The following PLXNA4 variants were observed in gnomAD, a reference collection of about 807,000 sequenced individuals.
PLXNA4 encodes the protein plexin A4, also known as plexin-A4.
Under a neutral mutation model 191.8 loss-of-function variants are expected in PLXNA4, and 44 were observed. The ratio of observed to expected loss-of-function variants is 0.23; its 90% confidence interval spans 0.18 to 0.29. The LOEUF (loss-of-function observed/expected upper bound fraction) is 0.29. Ranked by LOEUF, PLXNA4 falls within the 10% of genes least tolerant of loss-of-function variation. PLXNA4 has a pLI of 1.00. For synonymous variants in PLXNA4, 1,082 were observed against 1,009.5 expected (o/e 1.07, Z -1.36); for missense variants, 1,800 against 2,488.8 (o/e 0.72, Z 5.89).
chr7:132,550,741 C>T (rs1426498), intron 1 of PLXNA4, among the ~76,000 whole-genome samples: 2 of 152,148 alleles, frequency 1.3e-5, no homozygotes, highest in Admixed American at 6.5e-5. Flanking sequence ...TGCTGATGAC[C>T]CTAATAGTCC....
intron 1 of PLXNA4, among the ~76,000 whole-genome samples, chr7:132,536,879 G>A (rs1380605640): frequency 2.0e-5 from 3 of 152,228 alleles, no homozygotes; most frequent in African/African-American, 7.2e-5. Context: ...TATTTCTGAA[G>A]AAAAGCAGAT....
intron 3 of PLXNA4, among the ~76,000 whole-genome samples, chr7:132,388,559 A>C (rs1418941349): frequency 6.6e-6 from 1 of 152,200 alleles, no homozygotes; most frequent in African/African-American, 2.4e-5. Flanking sequence ...TCTCCTTATT[A>C]ATGTCTTTTC....
rs1028913998 is a variant in PLXNA4, at chr7:132,537,593, G to C, written c.-86-28814C>G. On this transcript the variant is annotated intron_variant, in intron 1 of 31. Transcript: ENST00000321063. ...AGAAGCAGAACTGCAGGGTGTCTCG[G>C]GACTGAGGCACATGTGCCTGACCAG... is the stretch of plus-strand genomic sequence containing the variant. Among the ~76,000 whole-genome samples the C allele has an allele frequency of 2.0e-5, 3 of 152,318 alleles. No individual in the cohort carries two copies. In the South Asian group the frequency reaches 6.2e-4, roughly 32 times the overall value.
chr7:132,574,050 T>G (rs761895725), intron 1 of PLXNA4, among the ~76,000 whole-genome samples: 8 of 152,336 alleles, frequency 5.3e-5, no homozygotes, highest in Middle Eastern at 6.8e-3. Flanking sequence ...GAGATGTTAA[T>G]TAATGCCTGC....
At chr7:132,234,858 C>A (rs1246740813) in intron 5 of PLXNA4, among the ~76,000 whole-genome samples, 5 of 152,134 alleles carry the variant, frequency 3.3e-5, no homozygotes, top group Non-Finnish European at 7.3e-5. Context: ...GAAGTGGACA[C>A]CAACCATTCC....
chr7:132,613,270 C>G (rs1039848063), intron 2 of PLXNA4, among the ~76,000 whole-genome samples: 1 of 152,180 alleles, frequency 6.6e-6, no homozygotes, highest in African/African-American at 2.4e-5. Flanking sequence ...CTCCTCTGCT[C>G]TGTACATAGC....
chr7:132,592,519 CT>C (rs5887580), intron 2 of PLXNA4, among the ~76,000 whole-genome samples: 12,147 of 145,762 alleles, frequency 0.083, 1,103 homozygotes, highest in African/African-American at 0.22. Flanking sequence ...TTAATTTAAC[CT>C]TTTTTTTTTT....
chr7:132,481,622 T>C (rs1797339654), intron 3 of PLXNA4, among the ~76,000 whole-genome samples: 1 of 152,178 alleles, frequency 6.6e-6, no homozygotes, highest in African/African-American at 2.4e-5. Context: ...AGTAGTTCCC[T>C]CTGCACCACC....
intron 30 of PLXNA4, among the ~76,000 whole-genome samples, chr7:132,137,128 G>A (rs1264086295): frequency 6.6e-6 from 1 of 152,208 alleles, no homozygotes. Flanking sequence ...CTCACCTCTA[G>A]ACTATATCTT....
At chr7:132,277,117 A>G (rs1800310465) in intron 4 of PLXNA4, among the ~76,000 whole-genome samples, 1 of 152,188 alleles carries the variant, frequency 6.6e-6, no homozygotes, top group Admixed American at 6.5e-5. Context: ...TTAGAAGGCA[A>G]ACATTTTTGT....
chr7:132,591,551 C>T (rs900323712), intron 2 of PLXNA4, among the ~76,000 whole-genome samples: 5 of 151,970 alleles, frequency 3.3e-5, no homozygotes, highest in African/African-American at 7.3e-5. Context: ...TAATGCATTA[C>T]AACAATAGAC....
intron 3 of PLXNA4, among the ~76,000 whole-genome samples, chr7:132,480,187 T>C (rs1490243418): frequency 6.6e-6 from 1 of 152,036 alleles, no homozygotes; most frequent in Non-Finnish European, 1.5e-5. Context: ...AAAAGTACAA[T>C]ACTACAGAGC....
chr7:132,526,872 G>A (rs916004294), intron 1 of PLXNA4, among the ~76,000 whole-genome samples: 4 of 152,200 alleles, frequency 2.6e-5, no homozygotes, highest in Admixed American at 1.3e-4. Context: ...TTGAGGGTCT[G>A]GCTAGTGGTC....
In PLXNA4 at chr7:132,145,214, G is replaced by C. The variant is rs1393874717; in HGVS notation, c.5130C>G (p.Pro1710=). 1 of 1,614,248 alleles carries C rather than the reference G, an allele frequency of 6.2e-7. No individual in the cohort carries two copies. The highest frequency in any genetic ancestry group is 8.5e-7 in the Non-Finnish European group (1 of 1,180,050). ...AGTCAAACATGTACTTGATGGCCAG[G>C]GGCAGGGCAGAGCCACGGTGTGCCG... ...FSTAHRGSAL[P]LAIKYMFDFL... Residue 1710 remains proline, a synonymous_variant, in exon 29 of 32, where the codon CCC becomes CCG. Transcript: ENST00000321063.
At chr7:132,637,253 A>C (rs907269607) in intron 2 of PLXNA4, among the ~76,000 whole-genome samples, 1 of 152,140 alleles carries the variant, frequency 6.6e-6, no homozygotes, top group Non-Finnish European at 1.5e-5. Flanking sequence ...CGTGGCTGTG[A>C]AAAGGATGAA....
At chr7:132,441,437 C>T (rs1795695624) in intron 3 of PLXNA4, among the ~76,000 whole-genome samples, 1 of 152,194 alleles carries the variant, frequency 6.6e-6, no homozygotes, top group Admixed American at 6.5e-5. Context: ...ACAATATATC[C>T]TCCATAAATG....
intron 1 of PLXNA4, among the ~76,000 whole-genome samples, chr7:132,542,247 A>G (rs919902726): frequency 3.9e-5 from 6 of 152,254 alleles, no homozygotes; most frequent in Admixed American, 6.5e-5. Context: ...AATATGGTTG[A>G]CATTAAGTTT....
At chr7:132,261,570 T>C (rs1584915123) in intron 4 of PLXNA4, among the ~76,000 whole-genome samples, 1 of 152,216 alleles carries the variant, frequency 6.6e-6, no homozygotes, top group Non-Finnish European at 1.5e-5. Context: ...CACCCCAAGG[T>C]ATTTCCACTG....
At chr7:132,253,672 G>A (rs1799333892) in intron 4 of PLXNA4, among the ~76,000 whole-genome samples, 1 of 152,128 alleles carries the variant, frequency 6.6e-6, no homozygotes, top group South Asian at 2.1e-4. Flanking sequence ...CCTGGGCCAT[G>A]GGGGAGTTTT....
Sources: allele counts gnomAD v4.1 joint callset (sites outside exome capture counted in the v4.1 genomes callset), GRCh38; gene constraint gnomAD v4.1.1; transcripts MANE v1.5; gene names NCBI Gene and HGNC (gene_info 2026-07-23, HGNC 2026-07-21).